PPP1R16B: variants seen among roughly 807,000 people sequenced by gnomAD.
The protein encoded by PPP1R16B is protein phosphatase 1 regulatory inhibitor subunit 16B.
A neutral mutation model predicts 61.7 loss-of-function variants in PPP1R16B; 14 were observed. That is an observed-to-expected ratio of 0.23 (90% CI 0.15 to 0.35). The LOEUF (loss-of-function observed/expected upper bound fraction) is 0.35. Among genes scored for constraint, PPP1R16B ranks in the 10% least tolerant of loss-of-function variants. The probability of loss-of-function intolerance (pLI) is 1.00; values close to 1 mark genes in which losing one functional copy is unlikely to be tolerated. For missense variants in PPP1R16B, 547 were observed against 752.5 expected, an observed-to-expected ratio of 0.73 and a Z score of 3.19; for synonymous variants, 266 against 305.3, an observed-to-expected ratio of 0.87 and a Z score of 1.34.
chr20:38,864,362 G>T (rs1366164007), intron 2 of PPP1R16B, among the ~76,000 whole-genome samples: 1 of 152,198 alleles, frequency 6.6e-6, no homozygotes, highest in African/African-American at 2.4e-5. Flanking sequence ...TCTCAATAAA[G>T]CCGTTTAAAA....
intron 10 of PPP1R16B, among the ~76,000 whole-genome samples, chr20:38,911,024 T>G (rs1351794128): frequency 6.6e-6 from 1 of 150,432 alleles, no homozygotes; most frequent in Non-Finnish European, 1.5e-5. Context: ...AAAACAAAAT[T>G]TTTTAGAGAT....
chr20:38,904,149 C>G lies in PPP1R16B; in HGVS notation c.696+1357C>G, dbSNP rs541258916. Among the ~76,000 whole-genome samples, 8 of 152,352 alleles carry G rather than the reference C, an allele frequency of 5.3e-5. No homozygotes were observed. In the South Asian group the frequency reaches 1.7e-3, roughly 32 times the overall value. Reference sequence around the variant, plus strand: ...TGCCTGCTTGGATCACCTGCTCAGCCTAGCACTCAAGAATGGGGTCAGGTA... The same window carrying G: ...TGCCTGCTTGGATCACCTGCTCAGCGTAGCACTCAAGAATGGGGTCAGGTA... On this transcript the variant is annotated intron_variant, in intron 6 of 10. Coordinates refer to ENST00000299824, the MANE Select transcript of PPP1R16B (RefSeq NM_015568.4).
At chr20:38,855,937 TATATATAG>T (rs1482622145) in intron 2 of PPP1R16B, among the ~76,000 whole-genome samples, 11 of 37,774 alleles carry the variant, frequency 2.9e-4, no homozygotes, top group Non-Finnish European at 3.9e-4. Context: ...TATATATATA[TATATATAG>T]AGAGAGAGAG....
intron 2 of PPP1R16B, among the ~76,000 whole-genome samples, chr20:38,843,803 A>G (rs1259464758): frequency 6.6e-6 from 1 of 151,908 alleles, no homozygotes. Context: ...GCCTTGTTTT[A>G]TATTTTTGCA....
At chr20:38,873,653 C>T (rs1258000385) in intron 2 of PPP1R16B, among the ~76,000 whole-genome samples, 1 of 152,058 alleles carries the variant, frequency 6.6e-6, no homozygotes, top group Non-Finnish European at 1.5e-5. Context: ...GTGGTCTTTT[C>T]ACAGGACTGC....
rs370909691 is a variant in PPP1R16B at position 38,806,780 on chromosome 20, G to A, written c.-102+988G>A. 5.9e-5 allele frequency among the ~76,000 whole-genome samples: 9 copies of A among 152,284 alleles called. No homozygotes were observed. Among genetic ancestry groups the A allele is most frequent in the South Asian group, 2.1e-4 (1 of 4,828 alleles). On this transcript the variant is annotated intron_variant, in intron 1 of 10. Transcript: ENST00000299824. The surrounding 1 kb of genome is among the most constrained non-coding windows in gnomAD (Gnocchi z 4.5). The stretch of plus-strand genomic sequence containing the variant: ...ATGATGCAGCTCCCAGCCCTTGGAG[G>A]ATAATTGAGCCTGGGAGAGCTTTGA...
At chr20:38,824,838 T>A (rs1568653967) in intron 1 of PPP1R16B, among the ~76,000 whole-genome samples, 2 of 152,364 alleles carry the variant, frequency 1.3e-5, no homozygotes, top group South Asian at 2.1e-4. Flanking sequence ...AAGACCAGCC[T>A]GGCCAACATG....
In PPP1R16B at chr20:38,883,144, G is replaced by C. The variant is rs938709645; in HGVS notation, c.251-6451G>C. Among the ~76,000 whole-genome samples, 3 of 152,318 alleles carry C rather than the reference G, an allele frequency of 2.0e-5. No individual in the cohort carries two copies. In the East Asian group the frequency reaches 5.8e-4, roughly 29 times the overall value. On this transcript the variant is annotated intron_variant, in intron 2 of 10. Coordinates refer to ENST00000299824, the MANE Select transcript of PPP1R16B (RefSeq NM_015568.4). ...CCTGACCCTGCAAGTCACATGGCGA[G>C]GTGGCAGCAGCTCAGCCCCAGGGCA...
Position 38,823,722 on chromosome 20 carries a change from A to G in PPP1R16B, c.-101-12103A>G, listed in dbSNP as rs192280587. ...AGCACCCATAGGGGGTTGAGCCTAT[A>G]GGGGTTTGGAAAGCAGATTTTATGA... On this transcript the variant is annotated intron_variant, in intron 1 of 10. Transcript: ENST00000299824. 4.1e-4 allele frequency among the ~76,000 whole-genome samples: 63 copies of G among 152,294 alleles called. No individual in the cohort carries two copies. In the East Asian group the frequency reaches 0.01, roughly 25 times the overall value.
chr20:38,876,971 T>C (rs1043302188), intron 2 of PPP1R16B, among the ~76,000 whole-genome samples: 3 of 152,260 alleles, frequency 2.0e-5, no homozygotes, highest in Non-Finnish European at 4.4e-5. Context: ...AGCATTTTTT[T>C]CCTTTCCAGT....
rs191203204 is a variant in PPP1R16B at position 38,889,880 on chromosome 20, G to A, written c.321+215G>A. Among the ~76,000 whole-genome samples, 381 of 152,332 alleles carry A rather than the reference G, an allele frequency of 2.5e-3. 2 individuals are homozygous for A. The highest frequency in any genetic ancestry group is 8.8e-3 in the African/African-American group (365 of 41,570). On this transcript the variant is annotated intron_variant, in intron 3 of 10. Transcript: ENST00000299824. Reference sequence around the variant, plus strand: ...CAGAGCCCTGTGTGCGCCCGCAGACGCGACTGCACATGCAGGCTCTAAGGA... The same window carrying A: ...CAGAGCCCTGTGTGCGCCCGCAGACACGACTGCACATGCAGGCTCTAAGGA...
At chr20:38,859,950 G>GTTT (rs2085036162) in intron 2 of PPP1R16B, among the ~76,000 whole-genome samples, 1 of 151,978 alleles carries the variant, frequency 6.6e-6, no homozygotes, top group Admixed American at 6.6e-5. Context: ...TTTACATTCT[G>GTTT]TTTTTTTCAT....
At chr20:38,896,609 A>G (rs1184009719) in intron 4 of PPP1R16B, among the ~76,000 whole-genome samples, 1 of 152,054 alleles carries the variant, frequency 6.6e-6, no homozygotes, top group Non-Finnish European at 1.5e-5. Context: ...ATAGTGATAA[A>G]ACACATATAA....
chr20:38,889,492 C>T, intron 2 of PPP1R16B, 103 bp from the exon 3 acceptor site: 1 of 1,022,944 alleles, frequency 9.8e-7, no homozygotes, highest in Non-Finnish European at 1.5e-6. Context: ...GTTGTTACTA[C>T]ATTCTTCATA....
chr20:38,893,577 TGGGAGGAGGC>T lies in PPP1R16B; in HGVS notation c.322-1965_322-1956del, dbSNP rs139908846. On this transcript the variant is annotated intron_variant, in intron 3 of 10. Coordinates refer to ENST00000299824, the MANE Select transcript of PPP1R16B (RefSeq NM_015568.4). ...AGATTGAAGCTGGGAAGGGAGGAAG[TGGGAGGAGGC>T]GGGAGGAGGCGGGAGGAGGCGGCTG... Among the ~76,000 whole-genome samples the T allele has an allele frequency of 2.2e-3, 332 of 149,084 alleles. 2 individuals are homozygous for T. The highest frequency in any genetic ancestry group is 0.014 in the Admixed American group (218 of 15,070).
At position 38,920,887 on chromosome 20, in the gene PPP1R16B, G is replaced by GCCC; in HGVS notation, c.*2221_*2222insCCC. On this transcript the variant is annotated 3_prime_UTR_variant, in exon 11 of 11. Coordinates refer to ENST00000299824, the MANE Select transcript of PPP1R16B (RefSeq NM_015568.4). ...TTGGCTGTAAAACAGTATGAGCCCA[G>GCCC]ACTGACGCTGAAATCCCTCATGAGC... The GCCC allele has an allele frequency of 6.6e-6, 1 of 152,252 alleles. No individual in the cohort carries two copies. Among genetic ancestry groups the GCCC allele is most frequent in the South Asian group, 2.1e-4 (1 of 4,832 alleles). 9.4% of individuals were successfully genotyped at this position (152,252 alleles called of 1,614,324 possible).
At chr20:38,874,577 A>G (rs970065298) in intron 2 of PPP1R16B, among the ~76,000 whole-genome samples, 3 of 152,174 alleles carry the variant, frequency 2.0e-5, no homozygotes, top group African/African-American at 4.8e-5. Context: ...ATATTCCCCA[A>G]CAGTGTGCTT....
At chr20:38,912,216 C>T (rs2085496774) in intron 10 of PPP1R16B, among the ~76,000 whole-genome samples, 1 of 151,570 alleles carries the variant, frequency 6.6e-6, no homozygotes, top group South Asian at 2.1e-4. Flanking sequence ...TCTCCTGTCT[C>T]AGCCTCCTGA....
At position 38,907,751 on chromosome 20, in the gene PPP1R16B, C is replaced by G; in HGVS notation, c.899-55C>G. ...CAGCTCCTCTGGTCTGGAGCACCCTCTTGCGCCACAGGTCCTGGCCCCGTC... is the reference window on the plus strand; with the variant it reads ...CAGCTCCTCTGGTCTGGAGCACCCTGTTGCGCCACAGGTCCTGGCCCCGTC... On this transcript the variant is annotated intron_variant, in intron 8 of 10. Coordinates refer to ENST00000299824, the MANE Select transcript of PPP1R16B (RefSeq NM_015568.4). This position sits in a 1 kb window ranked among gnomAD's most constrained non-coding sequence, Gnocchi z 4.5. The G allele has an allele frequency of 6.3e-7, 1 of 1,599,838 alleles. No homozygotes were observed. The highest frequency in any genetic ancestry group is 8.5e-7 in the Non-Finnish European group (1 of 1,169,630).
Sources: allele counts gnomAD v4.1 joint callset (sites outside exome capture counted in the v4.1 genomes callset), GRCh38; gene constraint gnomAD v4.1.1; non-coding constraint Gnocchi (gnomAD v3.1); transcripts MANE v1.5; gene names NCBI Gene and HGNC (gene_info 2026-07-23, HGNC 2026-07-21).